Variants in FAM133B observed in about 807,000 individuals in gnomAD.
FAM133B encodes the protein protein FAM133B.
FAM133B carries 25 observed loss-of-function variants against 46.4 expected under a neutral mutation model. The ratio of observed to expected loss-of-function variants is 0.54; its 90% confidence interval spans 0.39 to 0.75. FAM133B has a LOEUF of 0.75. FAM133B is among the 30% of genes least tolerant of loss of function. FAM133B has a pLI of 0.00. For synonymous variants in FAM133B, 75 were observed against 86.0 expected (o/e 0.87, Z 0.71); for missense variants, 205 against 277.6 (o/e 0.74, Z 1.86).
At chr7:92,582,882 G>C (rs1434755862) in intron 1 of FAM133B, among the ~76,000 whole-genome samples, 2 of 152,172 alleles carry the variant, frequency 1.3e-5, no homozygotes, top group Non-Finnish European at 2.9e-5. Context: ...CACATTGTTG[G>C]TGGGAATGTA....
chr7:92,582,019 C>G (rs978581834), intron 1 of FAM133B, among the ~76,000 whole-genome samples: 3 of 152,206 alleles, frequency 2.0e-5, no homozygotes, highest in Admixed American at 6.5e-5. Context: ...GAGGTTGAGG[C>G]AGGTGGAACA....
At chr7:92,585,657 G>T (rs1446959597) in intron 1 of FAM133B, among the ~76,000 whole-genome samples, 1 of 151,930 alleles carries the variant, frequency 6.6e-6, no homozygotes, top group African/African-American at 2.4e-5. Context: ...AAAAGCAAAG[G>T]CAAGTTGCCA....
At chr7:92,586,555 T>C (rs1245003097) in intron 1 of FAM133B, among the ~76,000 whole-genome samples, 2 of 152,220 alleles carry the variant, frequency 1.3e-5, no homozygotes, top group Non-Finnish European at 2.9e-5. Flanking sequence ...TTATAAACAC[T>C]GTGACCTTGT....
chr7:92,574,231 T>G (rs984676903), intron 8 of FAM133B, among the ~76,000 whole-genome samples: 1 of 152,178 alleles, frequency 6.6e-6, no homozygotes, highest in African/African-American at 2.4e-5. Context: ...ACACACGGAA[T>G]ATTACTTAGC....
intron 3 of FAM133B, among the ~76,000 whole-genome samples, chr7:92,578,744 G>T (rs1188895184): frequency 3.3e-5 from 5 of 152,156 alleles, no homozygotes; most frequent in Admixed American, 6.6e-5. Context: ...ATACATGTTT[G>T]TAATCAAAAC....
At chr7:92,566,419 T>C (rs1478559524) in intron 9 of FAM133B, among the ~76,000 whole-genome samples, 1 of 150,542 alleles carries the variant, frequency 6.6e-6, no homozygotes, top group East Asian at 1.9e-4. Context: ...AGCCCAGGAG[T>C]TCAAGGCCAG....
chr7:92,567,055 A>G (rs546184552), intron 9 of FAM133B, among the ~76,000 whole-genome samples: 16 of 152,072 alleles, frequency 1.1e-4, no homozygotes, highest in Non-Finnish European at 1.6e-4. Context: ...CTACAAAAAA[A>G]TTTTTGTTAA....
At chr7:92,587,184 G>C (rs530116205) in intron 1 of FAM133B, among the ~76,000 whole-genome samples, 2 of 152,154 alleles carry the variant, frequency 1.3e-5, no homozygotes, top group South Asian at 4.1e-4. Context: ...AAATTCACTG[G>C]GGCTTTTTTT....
intron 9 of FAM133B, among the ~76,000 whole-genome samples, chr7:92,567,162 A>T (rs1794375101): frequency 6.6e-6 from 1 of 152,160 alleles, no homozygotes; most frequent in Non-Finnish European, 1.5e-5. Context: ...GGCTGCAGTG[A>T]TCTATGACTG....
At chr7:92,566,187 G>A in intron 9 of FAM133B, 126 bp from the exon 10 acceptor site, 1 of 840,724 alleles carries the variant, frequency 1.2e-6, no homozygotes, top group Non-Finnish European at 1.9e-6. Flanking sequence ...GACAATCACA[G>A]GACATTTAAA....
intron 9 of FAM133B, chr7:92,569,471 C>G (rs1304361088): frequency 6.4e-6 from 1 of 156,296 alleles, no homozygotes; most frequent in African/African-American, 2.4e-5. Context: ...ATAGTATATG[C>G]AATGTTCTAT....
At chr7:92,586,121 T>G (rs1416913101) in intron 1 of FAM133B, among the ~76,000 whole-genome samples, 2 of 152,210 alleles carry the variant, frequency 1.3e-5, no homozygotes, top group South Asian at 2.1e-4. Flanking sequence ...AAAATGCTAG[T>G]AAAGTAGTAT....
chr7:92,573,311 C>T (rs1016425093), intron 8 of FAM133B, among the ~76,000 whole-genome samples: 3 of 151,848 alleles, frequency 2.0e-5, no homozygotes, highest in African/African-American at 7.3e-5. Flanking sequence ...AGGACTACCA[C>T]ACCTGGCTAA....
intron 2 of FAM133B, among the ~76,000 whole-genome samples, chr7:92,581,001 C>T (rs1469781024): frequency 6.6e-6 from 1 of 152,166 alleles, no homozygotes; most frequent in African/African-American, 2.4e-5. Flanking sequence ...AGCTCTGAAG[C>T]CTGTTGTATG....
At chr7:92,582,312 AATAAC>A (rs1286229109) in intron 1 of FAM133B, among the ~76,000 whole-genome samples, 6 of 132,654 alleles carry the variant, frequency 4.5e-5, no homozygotes, top group South Asian at 4.6e-4. Context: ...AATAACATAA[AATAAC>A]ATAACATAAA....
chr7:92,588,085 G>C (rs1795087905), intron 1 of FAM133B, among the ~76,000 whole-genome samples: 1 of 152,160 alleles, frequency 6.6e-6, no homozygotes. Context: ...TCTATGCAAT[G>C]AGGAGACTGA....
At chr7:92,590,127 T>G in intron 1 of FAM133B, 141 bp downstream of exon 1, 1 of 1,263,002 alleles carries the variant, frequency 7.9e-7, no homozygotes, top group Non-Finnish European at 1.1e-6. Flanking sequence ...GCATCTGGGA[T>G]CGGCGGAGGG....
intron 2 of FAM133B, among the ~76,000 whole-genome samples, chr7:92,579,902 T>G (rs1794816563): frequency 6.6e-6 from 1 of 152,236 alleles, no homozygotes; most frequent in African/African-American, 2.4e-5. Flanking sequence ...ACAGCTCGCC[T>G]GACTGCTTAA....
At chr7:92,575,256 A>C (rs1336355117) in intron 8 of FAM133B, among the ~76,000 whole-genome samples, 1 of 152,186 alleles carries the variant, frequency 6.6e-6, no homozygotes, top group Non-Finnish European at 1.5e-5. Flanking sequence ...CAGGCGCATC[A>C]CCTGAGGTCA....
Sources: allele counts gnomAD v4.1 joint callset (sites outside exome capture counted in the v4.1 genomes callset), GRCh38; gene constraint gnomAD v4.1.1; transcripts MANE v1.5; gene names NCBI Gene and HGNC (gene_info 2026-07-23, HGNC 2026-07-21).